The following SEC24B variants were observed in gnomAD, a reference collection of about 807,000 sequenced individuals.
SEC24B encodes the protein protein transport protein Sec24B.
Under a neutral mutation model 142.8 loss-of-function variants are expected in SEC24B, and 45 were observed. That is an observed-to-expected ratio of 0.32 (90% CI 0.25 to 0.40). The LOEUF (loss-of-function observed/expected upper bound fraction) is 0.40, where lower values mean the gene tolerates loss of function less well. Among genes scored for constraint, SEC24B ranks in the 10% least tolerant of loss-of-function variants. The pLI is 1.00. For synonymous variants in SEC24B, 574 were observed against 568.2 expected (o/e 1.01, Z -0.15); for missense variants, 1,409 against 1,526.8 (o/e 0.92, Z 1.29).
At chr4:109,474,898 T>C (rs948500108) in intron 3 of SEC24B, among the ~76,000 whole-genome samples, 1 of 152,222 alleles carries the variant, frequency 6.6e-6, no homozygotes, top group African/African-American at 2.4e-5. Flanking sequence ...GCACATACAA[T>C]ATATCAGATA....
chr4:109,517,944 T>C (rs1723134859), intron 11 of SEC24B, among the ~76,000 whole-genome samples: 1 of 135,304 alleles, frequency 7.4e-6, no homozygotes, highest in South Asian at 2.3e-4. Context: ...TGTTTGTTTG[T>C]TTGTTTATTT....
At chr4:109,497,125 C>CT (rs1357286485) in intron 6 of SEC24B, among the ~76,000 whole-genome samples, 4 of 152,216 alleles carry the variant, frequency 2.6e-5, no homozygotes, top group Admixed American at 1.3e-4. Flanking sequence ...ATGTTATTGT[C>CT]TATGGCTGCT....
intron 10 of SEC24B, among the ~76,000 whole-genome samples, chr4:109,514,196 T>C (rs577787289): frequency 1.3e-5 from 2 of 152,312 alleles, no homozygotes; most frequent in African/African-American, 4.8e-5. Flanking sequence ...ATGCACATTT[T>C]TGCCCAAAAC....
intron 3 of SEC24B, among the ~76,000 whole-genome samples, chr4:109,480,238 G>A (rs1487540955): frequency 6.6e-6 from 1 of 150,940 alleles, no homozygotes; most frequent in African/African-American, 2.4e-5. Flanking sequence ...CTAGTGATGA[G>A]TTGTTTATCC....
intron 3 of SEC24B, among the ~76,000 whole-genome samples, chr4:109,473,428 G>A (rs564049877): frequency 6.6e-6 from 1 of 152,024 alleles, no homozygotes; most frequent in Non-Finnish European, 1.5e-5. Context: ...TATTCATTGT[G>A]TCAATGTATA....
rs951625105 is a variant in SEC24B at position 109,532,464 on chromosome 4, A to T, written c.3391-175A>T. Among the ~76,000 whole-genome samples, 3 of 152,206 alleles carry T rather than the reference A, an allele frequency of 2.0e-5. No homozygotes were observed. In the East Asian group the frequency reaches 5.8e-4, roughly 29 times the overall value. On this transcript the variant is annotated intron_variant, in intron 20 of 23. Coordinates refer to ENST00000265175, the MANE Select transcript of SEC24B (RefSeq NM_006323.5). ...GTTTTTACTTTTTAAATTTGAATAC[A>T]TTTGAGTGTGTTGATTCTACAGCCA...
intron 1 of SEC24B, among the ~76,000 whole-genome samples, chr4:109,452,983 G>A (rs1395893403): frequency 1.3e-5 from 2 of 152,196 alleles, no homozygotes; most frequent in Non-Finnish European, 2.9e-5. Context: ...GCTGGTCTGA[G>A]AAATAAAGGG....
At chr4:109,487,644 G>T (rs527359333) in intron 4 of SEC24B, among the ~76,000 whole-genome samples, 1 of 152,300 alleles carries the variant, frequency 6.6e-6, no homozygotes, top group South Asian at 2.1e-4. Flanking sequence ...GCCAGTAATG[G>T]CATGACCTCT....
chr4:109,503,061 T>G (rs1308496832), intron 6 of SEC24B, among the ~76,000 whole-genome samples: 4 of 147,828 alleles, frequency 2.7e-5, no homozygotes, highest in Admixed American at 1.3e-4. Context: ...TTTCTTTCTT[T>G]CTTTTTTTTT....
chr4:109,485,765 A>G (rs1734289820), intron 4 of SEC24B, among the ~76,000 whole-genome samples: 2 of 152,214 alleles, frequency 1.3e-5, no homozygotes, highest in South Asian at 4.1e-4. Flanking sequence ...TGGGAATTAC[A>G]TGTAAGTGTC....
In SEC24B at chr4:109,538,520, T is replaced by C; in HGVS notation, c.3616T>C (p.Ser1206Pro). The C allele has an allele frequency of 6.2e-7, 1 of 1,613,202 alleles. No individual in the cohort carries two copies. Among genetic ancestry groups the C allele is most frequent in the South Asian group, 1.1e-5 (1 of 91,050 alleles). Reference protein sequence around the residue: ...MTHLPELDTLSSERARSFITW... With the variant: ...MTHLPELDTLPSERARSFITW... ...ACATCTTCCAGAGCTAGATACACTTTCATCAGAAAGAGCCAGATCCTTCAT... is the reference window on the plus strand; with the variant it reads ...ACATCTTCCAGAGCTAGATACACTTCCATCAGAAAGAGCCAGATCCTTCAT... Residue 1206 changes from serine (S) to proline (P), a missense_variant, in exon 23 of 24, where the codon TCA becomes CCA. Ser to Pro is a moderately conservative substitution (Grantham distance 74, BLOSUM62 -1). Around this residue, in one of 2 missense-constraint regions of SEC24B, gnomAD observed 700 missense variants for 853.3 expected, o/e 0.82. Transcript: ENST00000265175.
intron 1 of SEC24B, among the ~76,000 whole-genome samples, chr4:109,455,255 C>G (rs1001876622): frequency 2.7e-5 from 4 of 145,664 alleles, no homozygotes; most frequent in Non-Finnish European, 6.1e-5. Flanking sequence ...ATTTAGGATT[C>G]TTTTTTTTTT....
At chr4:109,434,098 G>A in intron 1 of SEC24B, 96 bp downstream of exon 1, 3 of 849,346 alleles carry the variant, frequency 3.5e-6, no homozygotes, top group Non-Finnish European at 4.3e-6. Flanking sequence ...CGGGAAGGGC[G>A]TTCGGGGCCA....
At chr4:109,521,383 T>C in intron 13 of SEC24B, 37 bp from the exon 14 acceptor site, 1 of 1,515,964 alleles carries the variant, frequency 6.6e-7, no homozygotes, top group Non-Finnish European at 9.2e-7. Context: ...TTCCTTTGCC[T>C]TCTCAGTAAT....
chr4:109,534,909 C>T (rs1725348404), intron 22 of SEC24B, among the ~76,000 whole-genome samples: 1 of 152,120 alleles, frequency 6.6e-6, no homozygotes, highest in Non-Finnish European at 1.5e-5. Flanking sequence ...AACTACTGGG[C>T]TTAAGCAGTC....
At chr4:109,506,545 A>C (rs1736710077) in intron 7 of SEC24B, 33 bp downstream of exon 7, 2 of 1,340,190 alleles carry the variant, frequency 1.5e-6, no homozygotes, top group African/African-American at 3.0e-5. Flanking sequence ...ATCTTTCTTA[A>C]GTGATGAAAA....
Position 109,507,773 on chromosome 4 carries a change from G to C in SEC24B, c.1673+1261G>C, listed in dbSNP as rs138924241. On this transcript the variant is annotated intron_variant, in intron 7 of 23. Transcript: ENST00000265175. ...TGATTCTCCTGCTTTAGCCTCCCGA[G>C]TACCTGGGATTACAGGCATGTGCCA... Among the ~76,000 whole-genome samples, 3 of 152,176 alleles carry C rather than the reference G, an allele frequency of 2.0e-5. No individual in the cohort carries two copies. The East Asian group carries it at 5.8e-4, about 29-fold the overall frequency.
chr4:109,483,003 C>CACATAT (rs1408633373), intron 4 of SEC24B, among the ~76,000 whole-genome samples: 45 of 84,054 alleles, frequency 5.4e-4, no homozygotes, highest in African/African-American at 3.0e-3. Context: ...CACACACACA[C>CACATAT]ATATTATACA....
At chr4:109,465,585 C>T (rs1177895130) in intron 2 of SEC24B, among the ~76,000 whole-genome samples, 3 of 152,128 alleles carry the variant, frequency 2.0e-5, no homozygotes, top group South Asian at 2.1e-4. Flanking sequence ...ATCCACTTAT[C>T]CTAAAGTCCT....
Sources: gnomAD v4.1 joint callset for allele counts (sites outside exome capture counted in the v4.1 genomes callset) on GRCh38, gnomAD v4.1.1 for gene constraint, gnomAD v4.1.1 regional missense constraint, MANE v1.5 for transcripts, NCBI Gene and HGNC (gene_info 2026-07-23, HGNC 2026-07-21) for gene names.